The following CDC42BPG variants were observed in gnomAD, a reference collection of about 807,000 sequenced individuals.
CDC42BPG encodes the protein CDC42 binding protein kinase gamma.
In CDC42BPG, 157 loss-of-function variants were observed where a neutral mutation model predicts 192.2. That is an observed-to-expected ratio of 0.82 (90% CI 0.72 to 0.93). The LOEUF is 0.93. Among genes scored for constraint, CDC42BPG ranks in the 40% least tolerant of loss-of-function variants. The probability of loss-of-function intolerance (pLI) is 0.00; values close to 1 mark genes in which losing one functional copy is unlikely to be tolerated. For synonymous variants in CDC42BPG, 981 were observed against 918.5 expected, an observed-to-expected ratio of 1.07 and a Z score of -1.23; for missense variants, 1,992 against 2,122.1, an observed-to-expected ratio of 0.94 and a Z score of 1.20.
chr11:64,828,883 C>A (rs1354614441), intron 30 of CDC42BPG, among the ~76,000 whole-genome samples: 1 of 152,148 alleles, frequency 6.6e-6, no homozygotes, highest in African/African-American at 2.4e-5. Context: ...AACCCCGTCT[C>A]CACTAAAAAT....
At chr11:64,826,605 G>A in intron 35 of CDC42BPG, 50 bp from the exon 36 acceptor site, 1 of 1,592,920 alleles carries the variant, frequency 6.3e-7, no homozygotes, top group Non-Finnish European at 8.6e-7. Flanking sequence ...CAGATTTCAG[G>A]GATCCAAAGG....
chr11:64,829,694 G>C lies in CDC42BPG; in HGVS notation c.3744C>G (p.Leu1248=). ...GCGCAGCCTCGTTGAGCAGCGGGTAGAGTGCAAAGCCACCGGCGGCGCCCA... is the reference window on the plus strand; with the variant it reads ...GCGCAGCCTCGTTGAGCAGCGGGTACAGTGCAAAGCCACCGGCGGCGCCCA... ...LCVGAAGGFA[L]YPLLNEAAPL... is the part of the protein sequence containing the mutation. Residue 1248 remains leucine, a synonymous_variant, in exon 30 of 37, where the codon CTC becomes CTG. Coordinates refer to ENST00000342711, the MANE Select transcript of CDC42BPG (RefSeq NM_017525.3). The C allele has an allele frequency of 6.2e-7, 1 of 1,611,538 alleles. No homozygotes were observed. Among genetic ancestry groups the C allele is most frequent in the Admixed American group, 1.7e-5 (1 of 59,864 alleles).
chr11:64,833,402 G>C (rs1194978471), intron 23 of CDC42BPG, 66 bp from the exon 24 acceptor site: 16 of 1,022,790 alleles, frequency 1.6e-5, no homozygotes, highest in Non-Finnish European at 2.3e-5. Context: ...TGAGGGGTCA[G>C]GAAAGACAAG....
intron 24 of CDC42BPG, 44 bp from the exon 25 acceptor site, chr11:64,833,003 G>A: frequency 6.7e-7 from 1 of 1,493,716 alleles, no homozygotes. Context: ...GGCTGGGAGG[G>A]GACAGCCCCA....
In CDC42BPG at chr11:64,829,626, G is replaced by A. The variant is rs778376940; in HGVS notation, c.3812C>T (p.Pro1271Leu). 4 of 1,611,576 alleles carry A rather than the reference G, an allele frequency of 2.5e-6. No homozygotes were observed. In the South Asian group the frequency reaches 3.3e-5, roughly 13 times the overall value. The change falls in exon 30 of 37, where the codon CCA becomes CTA. Residue 1271 changes from proline (P) to leucine (L), a missense_variant. Physicochemically the swap from Pro to Leu is moderately conservative, Grantham distance 98 (BLOSUM62 -3). Transcript: ENST00000342711. The stretch of plus-strand genomic sequence containing the variant: ...TGCCTCACCCAGGCCCCCGCGGGAT[G>A]GTGGCAGCTCCTCAGGCACCAAACC... The part of the protein sequence containing the change: ...GAGLVPEELP[P>L]SRGGLGEALG...
rs576170062 is a variant in CDC42BPG at position 64,824,824 on chromosome 11, T to C, written c.4600-295A>G. Among the ~76,000 whole-genome samples the C allele has an allele frequency of 1.1e-4, 17 of 152,226 alleles. No individual in the cohort carries two copies. The East Asian group carries it at 3.1e-3, about 28-fold the overall frequency. ...CAATAATGGCATGATCTTGGCTCAC[T>C]GCAACCTCTGCCTCCCAGGTTCTAG... On this transcript the variant is annotated intron_variant, in intron 36 of 36. Coordinates refer to ENST00000342711, the MANE Select transcript of CDC42BPG (RefSeq NM_017525.3).
chr11:64,834,316 T>C lies in CDC42BPG; in HGVS notation c.2363A>G (p.Gln788Arg). ...QEAEKQSQAL[Q>R]QELAMLREEL... ...CTCCCGCAGCATGGCGAGCTCCTGTTGCAGGGCCTGGCTCTGCTTCTCGGC... is the reference window on the plus strand; with the variant it reads ...CTCCCGCAGCATGGCGAGCTCCTGTCGCAGGGCCTGGCTCTGCTTCTCGGC... Residue 788 changes from glutamine (Q) to arginine (R), a missense_variant, in exon 20 of 37, where the codon CAA (glutamine) becomes CGA (arginine). Physicochemically the swap from Gln to Arg is conservative, Grantham distance 43. This residue lies in a region of CDC42BPG where 1,656 missense variants were observed against 1,844.3 expected (regional missense o/e 0.90). Transcript: ENST00000342711. The C allele has an allele frequency of 1.9e-6, 3 of 1,578,538 alleles. No homozygotes were observed. The highest frequency in any genetic ancestry group is 1.1e-5 in the South Asian group (1 of 87,108).
chr11:64,840,756 T>C (rs1290029747), intron 3 of CDC42BPG, 108 bp from the exon 4 acceptor site: 2 of 938,466 alleles, frequency 2.1e-6, no homozygotes, highest in African/African-American at 3.2e-5. Flanking sequence ...GGAGCTCAGA[T>C]GGAGGTCATA....
rs377424840 is a variant in CDC42BPG, at chr11:64,826,503, C to G, written c.4566G>C (p.Gln1522His). ...GGGAGGTTGCAGGGCTCAGCGATCC[C>G]TGGGGGCAGGACACAGACTCGCTGG... ...SLSSESVSCP[Q>H]GSLSPATSLM... Residue 1522 changes from glutamine to histidine, a missense_variant, in exon 36 of 37, where the codon CAG becomes CAC. By Grantham distance (24) the Gln-to-His change is conservative. Coordinates refer to ENST00000342711, the MANE Select transcript of CDC42BPG (RefSeq NM_017525.3). 8.7e-6 allele frequency: 14 copies of G among 1,605,058 alleles called. No individual in the cohort carries two copies. The highest frequency in any genetic ancestry group is 1.2e-5 in the Non-Finnish European group (14 of 1,176,166).
chr11:64,825,392 C>G (rs954598422), intron 36 of CDC42BPG, among the ~76,000 whole-genome samples: 2 of 152,070 alleles, frequency 1.3e-5, no homozygotes, highest in Non-Finnish European at 2.9e-5. Flanking sequence ...GTGGAGGGAG[C>G]GGGGTGGCAA....
Position 64,829,526 on chromosome 11 carries a change from T to C in CDC42BPG, c.3912A>G (p.Ala1304=). The C allele has an allele frequency of 6.2e-7, 1 of 1,612,900 alleles. No homozygotes were observed. Among genetic ancestry groups the C allele is most frequent in the Non-Finnish European group, 8.5e-7 (1 of 1,179,918 alleles). Reference sequence around the variant, plus strand: ...GCTCGTGGCCACGAGACTTGCGGCCTGCGCCATCCACGTAGATGCCAGCAG... The same window carrying C: ...GCTCGTGGCCACGAGACTTGCGGCCCGCGCCATCCACGTAGATGCCAGCAG... The part of the protein sequence containing the change: ...FTTAGIYVDG[A]GRKSRGHELL... Residue 1304 remains alanine, a synonymous_variant, in exon 30 of 37, where the codon GCA becomes GCG. Coordinates refer to ENST00000342711, the MANE Select transcript of CDC42BPG (RefSeq NM_017525.3).
chr11:64,835,289 C>G, intron 16 of CDC42BPG, 58 bp downstream of exon 16: 4 of 1,611,744 alleles, frequency 2.5e-6, no homozygotes, highest in Non-Finnish European at 3.4e-6. Context: ...CACCCCTCAA[C>G]TGGCTCCCCA....
intron 36 of CDC42BPG, among the ~76,000 whole-genome samples, chr11:64,825,419 AG>A (rs1942379162): frequency 6.6e-6 from 1 of 152,300 alleles, no homozygotes; most frequent in South Asian, 2.1e-4. Flanking sequence ...CACCAGCCCC[AG>A]GGAGGCAATG....
rs1393558192 is a variant in CDC42BPG, at chr11:64,823,430, C to T, written c.*1043G>A. The stretch of plus-strand genomic sequence containing the variant: ...CCTCACAGAGCATCAGGGTCTGTCC[C>T]TCCTGGGAATGTGGCATTTGAGGAG... On this transcript the variant is annotated 3_prime_UTR_variant, in exon 37 of 37. Transcript: ENST00000342711. 1.3e-5 allele frequency: 2 copies of T among 152,132 alleles called. No homozygotes were observed. The highest frequency in any genetic ancestry group is 3.9e-4 in the East Asian group (2 of 5,188). 9.4% of individuals were successfully genotyped at this position (152,132 alleles called of 1,614,324 possible).
rs1257757615 is a variant in CDC42BPG, at chr11:64,834,848, C to G, written c.2175+1G>C. ...CCCCCAGGGGCATCTCTGGGGCTCA[C>G]CAGTGGCCGGGCAGGGAGCGTCTGG... On this transcript the variant is annotated splice_donor_variant, in intron 18 of 36. Transcript: ENST00000342711. LOFTEE classifies it high-confidence loss of function. 3 of 1,612,028 alleles carry G rather than the reference C, an allele frequency of 1.9e-6. No individual in the cohort carries two copies. Among genetic ancestry groups the G allele is most frequent in the Non-Finnish European group, 1.7e-6 (2 of 1,179,332 alleles).
chr11:64,826,720 C>CTGTGG lies in CDC42BPG; in HGVS notation c.4463_4464insCCACA (p.Arg1489HisfsTer19). ...CTTCGCTGCCCATGGAGGCTGGGCG[C>CTGTGG]CGCAACGCCTCGGAGAAGCTGTGGG... On this transcript the variant is annotated frameshift_variant, in exon 35 of 37. Coordinates refer to ENST00000342711, the MANE Select transcript of CDC42BPG (RefSeq NM_017525.3). LOFTEE classifies it high-confidence loss of function. 1.9e-6 allele frequency: 3 copies of CTGTGG among 1,552,744 alleles called. No homozygotes were observed. Among genetic ancestry groups the CTGTGG allele is most frequent in the Non-Finnish European group, 2.6e-6 (3 of 1,150,244 alleles).
At chr11:64,834,097 G>A in intron 20 of CDC42BPG, 120 bp from the exon 21 acceptor site, 1 of 1,451,654 alleles carries the variant, frequency 6.9e-7, no homozygotes, top group Non-Finnish European at 9.6e-7. Flanking sequence ...GGCAGGGCTG[G>A]GCACAGCAGG....
In CDC42BPG at chr11:64,830,066, G is replaced by A; in HGVS notation, c.3372C>T (p.Ile1124=). The A allele has an allele frequency of 6.2e-7, 1 of 1,612,618 alleles. No homozygotes were observed. Among genetic ancestry groups the A allele is most frequent in the Non-Finnish European group, 8.5e-7 (1 of 1,179,436 alleles). ...LFVIHLRSND[I]FQVGECRRVQ... is the part of the protein sequence containing the mutation. ...CGCGCCGGCACTCCCCCACCTGGAA[G>A]ATGTCTGCAGGGTTGGCGAGGGGAG... The change falls in exon 30 of 37, where the codon ATC becomes ATT. Residue 1124 remains isoleucine, a synonymous_variant. Transcript: ENST00000342711.
intron 9 of CDC42BPG, 95 bp from the exon 10 acceptor site, chr11:64,837,114 C>A: frequency 9.2e-7 from 1 of 1,081,580 alleles, no homozygotes; most frequent in Non-Finnish European, 1.4e-6. Context: ...AATTGTGAAA[C>A]AGCCAAAACA....
Sources: gnomAD v4.1 joint callset for allele counts (sites outside exome capture counted in the v4.1 genomes callset) on GRCh38, gnomAD v4.1.1 for gene constraint, gnomAD v4.1.1 regional missense constraint, MANE v1.5 for transcripts, NCBI Gene and HGNC (gene_info 2026-07-23, HGNC 2026-07-21) for gene names.